Variants in CNTNAP2 observed in about 807,000 individuals in gnomAD.
CNTNAP2 encodes contactin-associated protein-like 2.
In CNTNAP2, 98 loss-of-function variants were observed where a neutral mutation model predicts 155.2. The observed-to-expected ratio is 0.63, with a 90% confidence interval of 0.54 to 0.75. The LOEUF is 0.75. Among genes scored for constraint, CNTNAP2 ranks in the 30% least tolerant of loss-of-function variants. The pLI is 0.00. For missense variants in CNTNAP2, 1,727 were observed against 1,688.1 expected (o/e 1.02, Z -0.40); for synonymous variants, 651 against 631.2 (o/e 1.03, Z -0.47).
chr7:147,031,222 A>G (rs1799026167), intron 3 of CNTNAP2, among the ~76,000 whole-genome samples: 1 of 152,188 alleles, frequency 6.6e-6, no homozygotes, highest in Admixed American at 6.5e-5. Context: ...GACATGAAGG[A>G]TAAAGAAAAA....
chr7:147,817,899 T>C (rs1167644394), intron 13 of CNTNAP2, among the ~76,000 whole-genome samples: 1 of 128,272 alleles, frequency 7.8e-6, no homozygotes, highest in East Asian at 2.1e-4. Flanking sequence ...AGCGAGACTC[T>C]GTCTCAAAAA....
At chr7:147,380,236 T>A (rs548711948) in intron 9 of CNTNAP2, among the ~76,000 whole-genome samples, 11 of 152,130 alleles carry the variant, frequency 7.2e-5, no homozygotes, top group Non-Finnish European at 2.9e-5. Context: ...TTTTAAAATA[T>A]CTCAGAATAG....
chr7:146,408,313 T>C (rs1795821311), intron 1 of CNTNAP2, among the ~76,000 whole-genome samples: 1 of 152,130 alleles, frequency 6.6e-6, no homozygotes, highest in Admixed American at 6.5e-5. Context: ...TTAAGGATGA[T>C]TTAGTAAAAT....
intron 15 of CNTNAP2, among the ~76,000 whole-genome samples, chr7:148,018,947 G>A (rs1009585577): frequency 1.3e-5 from 2 of 152,194 alleles, no homozygotes; most frequent in African/African-American, 2.4e-5. Context: ...GACCAGTGAA[G>A]CCAAGGTTTC....
chr7:148,080,502 G>A (rs1563192472), intron 15 of CNTNAP2, among the ~76,000 whole-genome samples: 1 of 150,370 alleles, frequency 6.7e-6, no homozygotes, highest in Non-Finnish European at 1.5e-5. Context: ...CTACTCAGGA[G>A]ACTGAGGCAG....
intron 1 of CNTNAP2, among the ~76,000 whole-genome samples, chr7:146,701,844 T>G (rs886958280): frequency 1.3e-5 from 2 of 152,170 alleles, no homozygotes; most frequent in Non-Finnish European, 2.9e-5. Context: ...GTCTTTCATA[T>G]TCAATCAATA....
At chr7:146,721,339 C>CATTCTATAT (rs1563203426) in intron 1 of CNTNAP2, among the ~76,000 whole-genome samples, 6 of 124,226 alleles carry the variant, frequency 4.8e-5, no homozygotes, top group Non-Finnish European at 7.9e-5. Context: ...ATTCTATATA[C>CATTCTATAT]ATTCTATATA....
intron 3 of CNTNAP2, among the ~76,000 whole-genome samples, chr7:146,871,045 A>G (rs1728918716): frequency 1.3e-5 from 2 of 152,214 alleles, no homozygotes; most frequent in South Asian, 4.1e-4. Context: ...TTTATTTTAG[A>G]GATCTGTGTG....
At chr7:146,462,549 G>A (rs1796652625) in intron 1 of CNTNAP2, among the ~76,000 whole-genome samples, 1 of 152,110 alleles carries the variant, frequency 6.6e-6, no homozygotes, top group Admixed American at 6.6e-5. Context: ...CTTTATTAAA[G>A]TAACACTGCT....
chr7:147,319,319 T>C (rs1795299879), intron 9 of CNTNAP2, among the ~76,000 whole-genome samples: 1 of 152,202 alleles, frequency 6.6e-6, no homozygotes, highest in Non-Finnish European at 1.5e-5. Context: ...AAGTATATAA[T>C]GGTAAATATC....
At chr7:146,761,658 A>C (rs1802102905) in intron 1 of CNTNAP2, among the ~76,000 whole-genome samples, 1 of 150,284 alleles carries the variant, frequency 6.7e-6, no homozygotes, top group Admixed American at 6.6e-5. Context: ...TGTTCTTATC[A>C]TACCATCTTT....
rs1347324227 is a variant in CNTNAP2 at position 146,575,991 on chromosome 7, CAAAT to C, written c.98-198274_98-198271del. Among the ~76,000 whole-genome samples, 5 of 152,294 alleles carry C rather than the reference CAAAT, an allele frequency of 3.3e-5. No individual in the cohort carries two copies. In the East Asian group the frequency reaches 9.6e-4, roughly 29 times the overall value. ...TCAAGGCTGCAGCATATTCTGTGTA[CAAAT>C]AAATAGGCTTCAACACCTGCTGATG... On this transcript the variant is annotated intron_variant, in intron 1 of 23. Transcript: ENST00000361727.
intron 21 of CNTNAP2, among the ~76,000 whole-genome samples, chr7:148,355,998 T>G (rs1267430142): frequency 5.3e-5 from 8 of 152,244 alleles, no homozygotes; most frequent in Admixed American, 5.2e-4. Context: ...TCCTCATCTG[T>G]AATAAAATAA....
chr7:146,121,168 G>T (rs35298542), intron 1 of CNTNAP2, among the ~76,000 whole-genome samples: 6,900 of 111,350 alleles, frequency 0.062, 205 homozygotes, highest in Middle Eastern at 0.17. Flanking sequence ...TTGCTCTGTC[G>T]CCCAGGCTGG....
intron 21 of CNTNAP2, among the ~76,000 whole-genome samples, chr7:148,295,038 T>A (rs1332349642): frequency 6.6e-6 from 1 of 152,164 alleles, no homozygotes; most frequent in Admixed American, 6.5e-5. Context: ...TCACAATTTT[T>A]GCAAACATAA....
intron 1 of CNTNAP2, among the ~76,000 whole-genome samples, chr7:146,142,988 G>T (rs1797901989): frequency 6.6e-6 from 1 of 152,068 alleles, no homozygotes; most frequent in Non-Finnish European, 1.5e-5. Flanking sequence ...TGCCTTTTTG[G>T]TATTTTTCCT....
intron 15 of CNTNAP2, among the ~76,000 whole-genome samples, chr7:148,077,706 C>T (rs1298477194): frequency 6.6e-6 from 1 of 152,168 alleles, no homozygotes; most frequent in African/African-American, 2.4e-5. Flanking sequence ...TGAATTGTCT[C>T]ATCAGTAAAA....
chr7:146,182,494 T>C (rs888249748), intron 1 of CNTNAP2, among the ~76,000 whole-genome samples: 2 of 152,148 alleles, frequency 1.3e-5, no homozygotes, highest in Admixed American at 6.6e-5. Context: ...CAAGAATACA[T>C]AGAATGTGTT....
At chr7:147,510,851 A>G (rs760987047) in intron 11 of CNTNAP2, among the ~76,000 whole-genome samples, 8 of 35,718 alleles carry the variant, frequency 2.2e-4, no homozygotes, top group Admixed American at 5.6e-4. Flanking sequence ...GCCTACAACC[A>G]TATATATATA....
Sources: allele counts gnomAD v4.1 joint callset (sites outside exome capture counted in the v4.1 genomes callset), GRCh38; gene constraint gnomAD v4.1.1; transcripts MANE v1.5; gene names NCBI Gene and HGNC (gene_info 2026-07-23, HGNC 2026-07-21).